The following SCIMP variants were observed in gnomAD, a reference collection of about 807,000 sequenced individuals.
SCIMP encodes the protein SLP adaptor and CSK interacting membrane protein.
A neutral mutation model predicts 22.0 loss-of-function variants in SCIMP; 18 were observed. The observed-to-expected ratio is 0.82, with a 90% CI of 0.56 to 1.21. The LOEUF (loss-of-function observed/expected upper bound fraction) is 1.21. Ranked by LOEUF, SCIMP falls within the 50% of genes most tolerant of loss-of-function variation. The probability of loss-of-function intolerance (pLI) is 0.00; values close to 1 mark genes in which losing one functional copy is unlikely to be tolerated. For synonymous variants in SCIMP, 53 were observed against 62.2 expected (o/e 0.85, Z 0.70); for missense variants, 155 against 171.2 (o/e 0.91, Z 0.53).
intron 1 of SCIMP, among the ~76,000 whole-genome samples, chr17:5,227,175 T>A (rs1410763648): frequency 2.6e-5 from 4 of 151,930 alleles, no homozygotes; most frequent in Non-Finnish European, 1.5e-5. Context: ...GTGCAGTAGC[T>A]CATGCTTGTA....
intron 3 of SCIMP, 78 bp from the exon 4 acceptor site, chr17:5,215,076 A>G (rs991568207): frequency 1.5e-5 from 13 of 875,982 alleles, no homozygotes; most frequent in Admixed American, 8.9e-5. Flanking sequence ...AGAAAACATC[A>G]AGGAAAGTGA....
intron 2 of SCIMP, among the ~76,000 whole-genome samples, chr17:5,222,038 A>T (rs2449110): frequency 0.56 from 84,471 of 150,630 alleles, 25,562 homozygotes; most frequent in Non-Finnish European, 0.7. Flanking sequence ...CCTCCCAAAG[A>T]GCTGTGCTGA....
intron 3 of SCIMP, among the ~76,000 whole-genome samples, chr17:5,218,593 G>A (rs772720700): frequency 1.3e-5 from 2 of 152,134 alleles, no homozygotes; most frequent in Non-Finnish European, 2.9e-5. Flanking sequence ...GCCTGCATCG[G>A]CCTCCCAAAG....
chr17:5,226,126 C>T (rs927950187), intron 1 of SCIMP, among the ~76,000 whole-genome samples: 1 of 152,166 alleles, frequency 6.6e-6, no homozygotes, highest in African/African-American at 2.4e-5. Flanking sequence ...ATAAATACCA[C>T]GACCTGCGCA....
chr17:5,217,360 T>C (rs562376737), intron 3 of SCIMP, among the ~76,000 whole-genome samples: 1 of 148,612 alleles, frequency 6.7e-6, no homozygotes, highest in South Asian at 2.1e-4. Flanking sequence ...GCAATCCCAG[T>C]TTTATTCTTT....
intron 3 of SCIMP, among the ~76,000 whole-genome samples, chr17:5,219,821 ACT>A (rs2074592829): frequency 6.6e-6 from 1 of 151,684 alleles, no homozygotes. Flanking sequence ...TAAAAGAAAA[ACT>A]CTGTACTCCA....
chr17:5,223,280 A>G, intron 2 of SCIMP, 53 bp downstream of exon 2: 1 of 1,605,442 alleles, frequency 6.2e-7, no homozygotes, highest in Non-Finnish European at 8.5e-7. Flanking sequence ...GCTCTACTGC[A>G]CCGATAACCA....
chr17:5,210,948 C>T lies in SCIMP; in HGVS notation c.291G>A (p.Gln97=). The change falls in exon 5 of 5, where the codon CAG becomes CAA. Residue 97 remains glutamine (Q), a synonymous_variant. Transcript: ENST00000574081. The part of the protein sequence containing the change: ...NWPSLEDSSP[Q]EAPSQPPATY... ...TAGCGGGCGGCTGACTTGGGGCTTC[C>T]TGTGGGGCTAGAATACACAAAAAGC... 6.2e-7 allele frequency: 1 copy of T among 1,610,436 alleles called. No homozygotes were observed. The highest frequency in any genetic ancestry group is 8.5e-7 in the Non-Finnish European group (1 of 1,179,100).
At position 5,210,931 on chromosome 17, in the gene SCIMP, G is replaced by A. The variant is rs372375934; in HGVS notation, c.308C>T (p.Pro103Leu). The A allele has an allele frequency of 4.1e-5, 66 of 1,612,602 alleles. No individual in the cohort carries two copies. The East Asian group carries it at 5.6e-4, about 14-fold the overall frequency. Residue 103 changes from proline (P) to leucine (L), a missense_variant, in exon 5 of 5, where the codon CCG (proline) becomes CTG (leucine). By Grantham distance (98) the Pro-to-Leu change is moderately conservative. Transcript: ENST00000574081. ...ATTTACCAGTGAGTATGTAGCGGGC[G>A]GCTGACTTGGGGCTTCCTGTGGGGC... ...DSSPQEAPSQ[P>L]PATYSLVNKV... is the part of the protein sequence containing the mutation.
chr17:5,227,324 C>CACAT (rs1555614598), intron 1 of SCIMP, among the ~76,000 whole-genome samples: 1 of 150,058 alleles, frequency 6.7e-6, no homozygotes, highest in African/African-American at 2.4e-5. Context: ...CACACACACA[C>CACAT]TCTTACACTT....
chr17:5,229,735 T>C (rs913721236), intron 1 of SCIMP, among the ~76,000 whole-genome samples: 2 of 151,904 alleles, frequency 1.3e-5, no homozygotes, highest in Non-Finnish European at 2.9e-5. Context: ...GTAAGAAATA[T>C]GGTTTACGTT....
At chr17:5,227,632 C>T (rs1432848173) in intron 1 of SCIMP, among the ~76,000 whole-genome samples, 1 of 152,136 alleles carries the variant, frequency 6.6e-6, no homozygotes, top group Non-Finnish European at 1.5e-5. Flanking sequence ...TCCATTTCCT[C>T]TGAGGTGGGA....
chr17:5,232,584 C>T (rs2074710971), intron 1 of SCIMP, among the ~76,000 whole-genome samples: 1 of 152,104 alleles, frequency 6.6e-6, no homozygotes, highest in Non-Finnish European at 1.5e-5. Context: ...CAGTCTAGAT[C>T]TCGAGGGTCT....
At chr17:5,214,775 G>A in intron 4 of SCIMP, 150 bp downstream of exon 4, 1 of 573,536 alleles carries the variant, frequency 1.7e-6, no homozygotes, top group South Asian at 2.3e-5. Flanking sequence ...GGGAGGCGGA[G>A]CTTGCAGTGA....
chr17:5,213,028 A>AACTTCTTC (rs2074538046), intron 4 of SCIMP: 1 of 298,520 alleles, frequency 3.3e-6, no homozygotes. Flanking sequence ...GTAACTTCTG[A>AACTTCTTC]GCTGACATCT....
intron 1 of SCIMP, among the ~76,000 whole-genome samples, chr17:5,232,303 G>A (rs2074704354): frequency 6.8e-6 from 1 of 147,066 alleles, no homozygotes; most frequent in Admixed American, 6.7e-5. Context: ...ATTCTTTTGT[G>A]AGCAGATTTG....
intron 3 of SCIMP, among the ~76,000 whole-genome samples, chr17:5,216,306 T>A (rs2144313208): frequency 6.6e-6 from 1 of 152,238 alleles, no homozygotes; most frequent in South Asian, 2.1e-4. Context: ...CTCATAAAAA[T>A]GATGTTGAGC....
At chr17:5,232,043 G>T (rs568514554) in intron 1 of SCIMP, among the ~76,000 whole-genome samples, 2 of 147,332 alleles carry the variant, frequency 1.4e-5, no homozygotes, top group Admixed American at 1.4e-4. Context: ...GCGACAGAGC[G>T]AGACTCCGTC....
intron 2 of SCIMP, 43 bp downstream of exon 2, chr17:5,223,290 A>G (rs752807700): frequency 1.2e-6 from 2 of 1,610,270 alleles, no homozygotes; most frequent in South Asian, 1.1e-5. Context: ...ACCGATAACC[A>G]CCTGGCTCCT....
Sources: gnomAD v4.1 joint callset for allele counts (sites outside exome capture counted in the v4.1 genomes callset) on GRCh38, gnomAD v4.1.1 for gene constraint, MANE v1.5 for transcripts, NCBI Gene and HGNC (gene_info 2026-07-23, HGNC 2026-07-21) for gene names.